The following DCAF6 variants were observed in gnomAD, a reference collection of about 807,000 sequenced individuals.
The protein encoded by DCAF6 is DDB1- and CUL4-associated factor 6.
A neutral mutation model predicts 125.1 loss-of-function variants in DCAF6; 54 were observed. The ratio of observed to expected loss-of-function variants is 0.43; its 90% confidence interval spans 0.35 to 0.54. The LOEUF is 0.54. DCAF6 is among the 20% of genes least tolerant of loss of function. The pLI, the probability that DCAF6 is intolerant of heterozygous loss-of-function variation, is 0.01. For synonymous variants in DCAF6, 371 were observed against 390.4 expected (o/e 0.95, Z 0.58); for missense variants, 934 against 1,161.7 (o/e 0.80, Z 2.85).
chr1:167,896,348 G>A, the DCAF6 span, among the ~76,000 whole-genome samples: 1,891 of 152,220 alleles, frequency 0.012, 38 homozygotes, highest in African/African-American at 0.035. Flanking sequence ...TTATCCTAGG[G>A]GATACTTATT....
At chr1:168,006,517 C>A (rs569134984) in intron 10 of DCAF6, among the ~76,000 whole-genome samples, 5 of 152,212 alleles carry the variant, frequency 3.3e-5, no homozygotes, top group African/African-American at 9.6e-5. Context: ...TGTAGTTGTT[C>A]TGATAACAGC....
At chr1:167,960,905 T>G (rs923419955) in intron 2 of DCAF6, among the ~76,000 whole-genome samples, 3 of 152,196 alleles carry the variant, frequency 2.0e-5, no homozygotes, top group African/African-American at 4.8e-5. Flanking sequence ...TGATAGGAAT[T>G]GCATTGAATC....
intron 4 of DCAF6, among the ~76,000 whole-genome samples, chr1:167,976,182 T>C (rs1465313338): frequency 1.3e-5 from 2 of 152,092 alleles, no homozygotes; most frequent in East Asian, 3.9e-4. Context: ...AAGTCCACCT[T>C]TGGAGGCCAG....
At chr1:167,910,401 A>G in the DCAF6 span, among the ~76,000 whole-genome samples, 1 of 152,196 alleles carries the variant, frequency 6.6e-6, no homozygotes, top group East Asian at 1.9e-4. Flanking sequence ...GAAAATTATG[A>G]CATTTTGGTT....
chr1:167,895,037 C>T, the DCAF6 span, among the ~76,000 whole-genome samples: 1 of 152,052 alleles, frequency 6.6e-6, no homozygotes, highest in Non-Finnish European at 1.5e-5. Flanking sequence ...CAAAAATTAG[C>T]TGGGTGTGGT....
At chr1:167,879,293 T>G in the DCAF6 span, among the ~76,000 whole-genome samples, 16,865 of 152,224 alleles carry the variant, frequency 0.11, 2,952 homozygotes, top group African/African-American at 0.37. Context: ...GAAGATTAAT[T>G]AGTTAATACA....
At chr1:168,054,231 C>T (rs925908773) in intron 17 of DCAF6, among the ~76,000 whole-genome samples, 1 of 152,064 alleles carries the variant, frequency 6.6e-6, no homozygotes, top group African/African-American at 2.4e-5. Flanking sequence ...TTTACAGTTA[C>T]GGAGGCTGGG....
chr1:167,916,475 C>A, the DCAF6 span, among the ~76,000 whole-genome samples: 1 of 151,856 alleles, frequency 6.6e-6, no homozygotes, highest in Non-Finnish European at 1.5e-5. Flanking sequence ...CCAAAGTGCT[C>A]GGATTACAGG....
At chr1:167,877,923 G>A in the DCAF6 span, among the ~76,000 whole-genome samples, 1 of 152,162 alleles carries the variant, frequency 6.6e-6, no homozygotes, top group Non-Finnish European at 1.5e-5. Context: ...GTGGTACCTT[G>A]TATGTCACTG....
the DCAF6 span, among the ~76,000 whole-genome samples, chr1:167,873,827 A>T: frequency 1.3e-5 from 2 of 152,232 alleles, no homozygotes. Context: ...CACTAACTAT[A>T]AAAGACAGGT....
chr1:167,888,692 C>T, the DCAF6 span, among the ~76,000 whole-genome samples: 1 of 151,832 alleles, frequency 6.6e-6, no homozygotes, highest in Admixed American at 6.6e-5. Flanking sequence ...CTGGCTAACA[C>T]GGTGAAACCT....
At chr1:167,878,088 C>A in the DCAF6 span, among the ~76,000 whole-genome samples, 1 of 152,186 alleles carries the variant, frequency 6.6e-6, no homozygotes, top group African/African-American at 2.4e-5. Flanking sequence ...TTAACCCTAA[C>A]AATGCCTCGG....
intron 2 of DCAF6, among the ~76,000 whole-genome samples, chr1:167,958,370 AGTT>A (rs1224094144): frequency 6.7e-6 from 1 of 150,192 alleles, no homozygotes; most frequent in Non-Finnish European, 1.5e-5. Context: ...GCGATTATCT[AGTT>A]GTCTCAGCAC....
intron 17 of DCAF6, among the ~76,000 whole-genome samples, chr1:168,057,176 A>G (rs778107959): frequency 4.6e-5 from 7 of 152,256 alleles, no homozygotes; most frequent in Non-Finnish European, 8.8e-5. Flanking sequence ...CATTCTACCT[A>G]TGTGTAATGG....
chr1:167,886,623 G>A, the DCAF6 span, among the ~76,000 whole-genome samples: 1 of 152,166 alleles, frequency 6.6e-6, no homozygotes, highest in Non-Finnish European at 1.5e-5. Flanking sequence ...ATACCATTCA[G>A]TACATAGGCA....
chr1:168,061,417 C>T (rs1034865746), intron 17 of DCAF6, among the ~76,000 whole-genome samples: 1 of 151,942 alleles, frequency 6.6e-6, no homozygotes, highest in African/African-American at 2.4e-5. Flanking sequence ...ATTTAATGTC[C>T]ATCTTTCCAA....
chr1:167,997,317 T>A (rs1412544699), intron 7 of DCAF6, among the ~76,000 whole-genome samples: 1 of 152,220 alleles, frequency 6.6e-6, no homozygotes, highest in African/African-American at 2.4e-5. Context: ...TTATATTGTT[T>A]TAAGAATAGT....
At chr1:168,064,071 T>C (rs1293051925) in intron 18 of DCAF6, 8 of 154,508 alleles carry the variant, frequency 5.2e-5, no homozygotes, top group South Asian at 2.0e-4. Context: ...CTGAAAAGTT[T>C]CTGGTGGATT....
intron 4 of DCAF6, among the ~76,000 whole-genome samples, chr1:167,983,206 G>C (rs1239772157): frequency 6.6e-6 from 1 of 152,128 alleles, no homozygotes; most frequent in African/African-American, 2.4e-5. Context: ...GAAAAATGAT[G>C]TTGGTAGTTT....
Sources: allele counts gnomAD v4.1 joint callset (sites outside exome capture counted in the v4.1 genomes callset), GRCh38; gene constraint gnomAD v4.1.1; transcripts MANE v1.5; gene names NCBI Gene and HGNC (gene_info 2026-07-23, HGNC 2026-07-21).